FGF14: variants seen among roughly 807,000 people sequenced by gnomAD.
FGF14 encodes fibroblast growth factor 14, also known as fibroblast growth factor homologous factor 4.
In FGF14, 5 loss-of-function variants were observed where a neutral mutation model predicts 25.5. The observed-to-expected ratio is 0.20, with a 90% confidence interval of 0.10 to 0.41. FGF14 has a LOEUF of 0.41. Ranked by LOEUF, FGF14 falls within the 10% of genes least tolerant of loss-of-function variation. The pLI, the probability that FGF14 is intolerant of heterozygous loss-of-function variation, is 1.00. For synonymous variants in FGF14, 138 were observed against 118.3 expected (o/e 1.17, Z -1.08); for missense variants, 222 against 320.1 (o/e 0.69, Z 2.34).
chr13:102,180,176 AC>A (rs1310519907), intron 1 of FGF14, among the ~76,000 whole-genome samples: 1 of 152,200 alleles, frequency 6.6e-6, no homozygotes, highest in Admixed American at 6.5e-5. Flanking sequence ...TTTGAAAGAC[AC>A]ATCATATAAA....
intron 1 of FGF14, among the ~76,000 whole-genome samples, chr13:102,036,907 GGAAA>G (rs1406203598): frequency 6.6e-6 from 1 of 152,120 alleles, no homozygotes; most frequent in Admixed American, 6.5e-5. Flanking sequence ...ATGAACTTGA[GGAAA>G]GAAAGGAGAT....
At chr13:102,022,448 A>C (rs1045404778) in intron 1 of FGF14, among the ~76,000 whole-genome samples, 4 of 152,108 alleles carry the variant, frequency 2.6e-5, no homozygotes, top group African/African-American at 9.7e-5. Context: ...TCGCTCAAAG[A>C]GATGGCATTA....
At chr13:101,862,854 G>T (rs1185793015) in intron 3 of FGF14, among the ~76,000 whole-genome samples, 1 of 152,010 alleles carries the variant, frequency 6.6e-6, no homozygotes, top group Non-Finnish European at 1.5e-5. Flanking sequence ...TCACAGAAAA[G>T]CTTGATTAAA....
At chr13:101,900,838 ATATT>A (rs2031454379) in intron 1 of FGF14, among the ~76,000 whole-genome samples, 1 of 152,220 alleles carries the variant, frequency 6.6e-6, no homozygotes, top group Non-Finnish European at 1.5e-5. Flanking sequence ...TATCTCAATA[ATATT>A]TATTTTGAAA....
At chr13:102,245,992 A>G (rs1225918773) in intron 1 of FGF14, among the ~76,000 whole-genome samples, 1 of 152,096 alleles carries the variant, frequency 6.6e-6, no homozygotes, top group Admixed American at 6.6e-5. Context: ...ATCACGATAC[A>G]TAAAACATTA....
chr13:102,050,641 C>A (rs1279733091), intron 1 of FGF14, among the ~76,000 whole-genome samples: 1 of 152,036 alleles, frequency 6.6e-6, no homozygotes, highest in Non-Finnish European at 1.5e-5. Flanking sequence ...GATGATGTCA[C>A]AAATATGGCA....
chr13:102,299,462 G>A (rs180953219), intron 1 of FGF14, among the ~76,000 whole-genome samples: 29 of 152,212 alleles, frequency 1.9e-4, no homozygotes, highest in Non-Finnish European at 1.5e-4. Flanking sequence ...TGGCTTGGCT[G>A]GACCTTTTCT....
intron 3 of FGF14, among the ~76,000 whole-genome samples, chr13:101,835,937 C>T (rs9300698): frequency 0.31 from 46,393 of 151,872 alleles, 7,838 homozygotes; most frequent in Non-Finnish European, 0.38. Flanking sequence ...CCTGGAAGTA[C>T]AATGCAAAAG....
chr13:101,802,304 G>A, intron 3 of FGF14: 1 of 212,520 alleles, frequency 4.7e-6, no homozygotes, highest in Admixed American at 5.1e-5. Context: ...AGCTGAAAGA[G>A]AGGTATGAGA....
chr13:102,046,914 A>G (rs2140030359), intron 1 of FGF14, among the ~76,000 whole-genome samples: 1 of 152,310 alleles, frequency 6.6e-6, no homozygotes, highest in South Asian at 2.1e-4. Flanking sequence ...TAATTACTTA[A>G]GAAAAAAATA....
intron 1 of FGF14, among the ~76,000 whole-genome samples, chr13:102,159,558 A>G (rs2047527018): frequency 6.6e-6 from 1 of 152,230 alleles, no homozygotes; most frequent in Non-Finnish European, 1.5e-5. Flanking sequence ...ACATCTCAAC[A>G]AGAAAGTCGG....
At chr13:101,863,631 AG>A (rs2044542288) in intron 3 of FGF14, among the ~76,000 whole-genome samples, 2 of 152,106 alleles carry the variant, frequency 1.3e-5, no homozygotes, top group Admixed American at 1.3e-4. Flanking sequence ...CTTACAGGTG[AG>A]GGACATGTAT....
intron 1 of FGF14, among the ~76,000 whole-genome samples, chr13:101,914,663 C>T (rs781077617): frequency 2.2e-4 from 33 of 152,242 alleles, no homozygotes; most frequent in African/African-American, 4.1e-4. Context: ...AATCCTCCTT[C>T]GCCACCCAAT....
chr13:102,271,420 G>A (rs1450440931), intron 1 of FGF14, among the ~76,000 whole-genome samples: 1 of 151,934 alleles, frequency 6.6e-6, no homozygotes. Context: ...TTATAACTCT[G>A]AGCCACGCAC....
At chr13:102,105,950 T>G (rs536586017) in intron 1 of FGF14, among the ~76,000 whole-genome samples, 1 of 152,220 alleles carries the variant, frequency 6.6e-6, no homozygotes, top group Non-Finnish European at 1.5e-5. Context: ...TTTTGCATAC[T>G]TAATAAATAT....
intron 3 of FGF14, among the ~76,000 whole-genome samples, chr13:101,804,621 C>CATTT (rs2041094873): frequency 6.6e-6 from 1 of 152,034 alleles, no homozygotes; most frequent in Non-Finnish European, 1.5e-5. Flanking sequence ...TGGGAAGGCA[C>CATTT]ATTTAAATTA....
intron 1 of FGF14, among the ~76,000 whole-genome samples, chr13:102,390,682 TTAGA>T (rs779897241): frequency 6.6e-6 from 1 of 152,192 alleles, no homozygotes; most frequent in Non-Finnish European, 1.5e-5. Flanking sequence ...AAAGATGAAA[TTAGA>T]TAGTATAGGT....
intron 1 of FGF14, among the ~76,000 whole-genome samples, chr13:101,949,471 T>TG (rs1163445236): frequency 2.6e-5 from 4 of 152,298 alleles, no homozygotes; most frequent in Non-Finnish European, 5.9e-5. Flanking sequence ...TTGGAGCCAC[T>TG]GGGGTACTAT....
intron 3 of FGF14, among the ~76,000 whole-genome samples, chr13:101,823,509 C>T (rs965472157): frequency 6.6e-6 from 1 of 150,670 alleles, no homozygotes; most frequent in Non-Finnish European, 1.5e-5. Flanking sequence ...GCGATCTCGG[C>T]TCACCACAAC....
Sources: gnomAD v4.1 joint callset for allele counts (sites outside exome capture counted in the v4.1 genomes callset) on GRCh38, gnomAD v4.1.1 for gene constraint, MANE v1.5 for transcripts, NCBI Gene and HGNC (gene_info 2026-07-23, HGNC 2026-07-21) for gene names.